The following SORCS3 variants were observed in gnomAD, a reference collection of about 807,000 sequenced individuals.
The protein encoded by SORCS3 is sortilin related VPS10 domain containing receptor 3, also known as VPS10 domain-containing receptor SorCS3.
In SORCS3, 57 loss-of-function variants were observed where a neutral mutation model predicts 146.3. The ratio of observed to expected loss-of-function variants is 0.39; its 90% confidence interval spans 0.31 to 0.49. The LOEUF is 0.49. Ranked by LOEUF, SORCS3 falls within the 20% of genes least tolerant of loss-of-function variation. The pLI is 0.92. For synonymous variants in SORCS3, 653 were observed against 618.5 expected, an observed-to-expected ratio of 1.06 and a Z score of -0.83; for missense variants, 1,341 against 1,575.5, an observed-to-expected ratio of 0.85 and a Z score of 2.52.
intron 1 of SORCS3, among the ~76,000 whole-genome samples, chr10:104,706,062 A>T (rs2016332334): frequency 6.6e-6 from 1 of 152,148 alleles, no homozygotes; most frequent in South Asian, 2.1e-4. Flanking sequence ...CTGACGAGTG[A>T]GTATGAAAGT....
chr10:105,200,975 A>G, intron 15 of SORCS3, 145 bp from the exon 16 acceptor site: 1 of 879,024 alleles, frequency 1.1e-6, no homozygotes. Context: ...TTTATTCTTG[A>G]AACTCCTGGA....
intron 4 of SORCS3, among the ~76,000 whole-genome samples, chr10:104,986,879 G>C (rs1219849957): frequency 6.6e-6 from 1 of 152,092 alleles, no homozygotes; most frequent in Non-Finnish European, 1.5e-5. Flanking sequence ...CATCATAACA[G>C]ATATAATAAT....
At chr10:105,122,269 CT>C (rs2055939081) in intron 7 of SORCS3, among the ~76,000 whole-genome samples, 2 of 152,160 alleles carry the variant, frequency 1.3e-5, no homozygotes, top group South Asian at 4.1e-4. Flanking sequence ...ATCACTCTGC[CT>C]ATAACTCTAT....
intron 2 of SORCS3, among the ~76,000 whole-genome samples, chr10:104,851,689 T>C (rs1192417370): frequency 6.6e-6 from 1 of 152,198 alleles, no homozygotes; most frequent in African/African-American, 2.4e-5. Flanking sequence ...AAAATTCAAC[T>C]CACACAGAGC....
chr10:105,262,540 A>T, intron 26 of SORCS3, 49 bp downstream of exon 26: 1 of 1,562,602 alleles, frequency 6.4e-7, no homozygotes, highest in Non-Finnish European at 8.7e-7. Context: ...TCCTCTAAAC[A>T]CTGGCCTGCT....
chr10:104,830,398 G>A (rs1022332424), intron 1 of SORCS3, among the ~76,000 whole-genome samples: 3 of 152,178 alleles, frequency 2.0e-5, no homozygotes, highest in African/African-American at 7.2e-5. Context: ...AGGAGAGGAA[G>A]CAGTACTAGA....
chr10:104,912,479 G>A (rs36009764), intron 2 of SORCS3, among the ~76,000 whole-genome samples: 1,714 of 152,238 alleles, frequency 0.011, 20 homozygotes, highest in Non-Finnish European at 0.017. Flanking sequence ...CCTTCCCTAG[G>A]ACAGACCTTG....
intron 2 of SORCS3, among the ~76,000 whole-genome samples, chr10:104,881,559 A>T (rs773015296): frequency 6.6e-6 from 1 of 152,202 alleles, no homozygotes; most frequent in African/African-American, 2.4e-5. Context: ...GATTAAAGAG[A>T]ATTCTTTTAA....
intron 2 of SORCS3, among the ~76,000 whole-genome samples, chr10:104,903,206 C>T (rs2018870358): frequency 6.6e-6 from 1 of 152,130 alleles, no homozygotes; most frequent in Admixed American, 6.6e-5. Flanking sequence ...AGTGAGGATT[C>T]AGTGAACTGC....
intron 1 of SORCS3, among the ~76,000 whole-genome samples, chr10:104,819,382 A>G (rs1032318): frequency 0.36 from 55,227 of 152,010 alleles, 11,023 homozygotes; most frequent in East Asian, 0.66. Context: ...TTGTCTGTCT[A>G]TAGGTTCCCA....
At chr10:104,944,710 G>T (rs1273429105) in intron 3 of SORCS3, among the ~76,000 whole-genome samples, 1 of 152,158 alleles carries the variant, frequency 6.6e-6, no homozygotes, top group Non-Finnish European at 1.5e-5. Context: ...TCAAGTGTTG[G>T]CAAGAAGGTG....
At chr10:105,215,407 G>A (rs552957293) in intron 18 of SORCS3, among the ~76,000 whole-genome samples, 54 of 152,312 alleles carry the variant, frequency 3.5e-4, no homozygotes, top group Non-Finnish European at 6.8e-4. Flanking sequence ...AACAGGCCAG[G>A]AGTCATTTTT....
intron 12 of SORCS3, among the ~76,000 whole-genome samples, chr10:105,166,149 T>C (rs2056310797): frequency 6.6e-6 from 1 of 152,162 alleles, no homozygotes; most frequent in Admixed American, 6.6e-5. Context: ...TGAAGATAAA[T>C]ATGTAAAAAA....
At chr10:105,196,159 T>C (rs2056542910) in intron 14 of SORCS3, among the ~76,000 whole-genome samples, 1 of 152,176 alleles carries the variant, frequency 6.6e-6, no homozygotes, top group African/African-American at 2.4e-5. Context: ...ACCAACAACA[T>C]GGACATTCTT....
chr10:105,144,005 C>T (rs764794179), intron 8 of SORCS3, among the ~76,000 whole-genome samples: 2 of 152,130 alleles, frequency 1.3e-5, no homozygotes, highest in Non-Finnish European at 2.9e-5. Context: ...TTAATTTGAT[C>T]ATGCAAGGAT....
chr10:104,770,835 AAAAAC>A (rs1247161877), intron 1 of SORCS3, among the ~76,000 whole-genome samples: 4 of 152,136 alleles, frequency 2.6e-5, no homozygotes, highest in African/African-American at 4.8e-5. Flanking sequence ...CCCATCTCAA[AAAAAC>A]AAAACAAAGA....
At chr10:105,072,518 G>A (rs1265795835) in intron 5 of SORCS3, among the ~76,000 whole-genome samples, 1 of 152,136 alleles carries the variant, frequency 6.6e-6, no homozygotes, top group Non-Finnish European at 1.5e-5. Flanking sequence ...CTCACAGGAG[G>A]CTAACCGCTC....
In SORCS3 at chr10:105,060,624, A is replaced by C. The variant is rs2055479174; in HGVS notation, c.1028+17496A>C. On this transcript the variant is annotated intron_variant, in intron 5 of 26. Coordinates refer to ENST00000369701, the MANE Select transcript of SORCS3 (RefSeq NM_014978.3). ...AAGATGGAAATCCAGGGAATTCTAG[A>C]AGATGTGGTTTGCAATTTAAAAAAG... 2.0e-5 allele frequency among the ~76,000 whole-genome samples: 3 copies of C among 152,142 alleles called. No individual in the cohort carries two copies. In the South Asian group the frequency reaches 6.2e-4, roughly 32 times the overall value.
At chr10:105,078,515 GA>G (rs924087126) in intron 5 of SORCS3, among the ~76,000 whole-genome samples, 2 of 150,516 alleles carry the variant, frequency 1.3e-5, no homozygotes, top group East Asian at 1.9e-4. Context: ...TTCCTCATCT[GA>G]AAAAAAAGAA....
Sources: gnomAD v4.1 joint callset for allele counts (sites outside exome capture counted in the v4.1 genomes callset) on GRCh38, gnomAD v4.1.1 for gene constraint, MANE v1.5 for transcripts, NCBI Gene and HGNC (gene_info 2026-07-23, HGNC 2026-07-21) for gene names.